The following TMPRSS6 variants were observed in gnomAD, a reference collection of about 807,000 sequenced individuals.
TMPRSS6 encodes transmembrane serine protease 6, also known as transmembrane protease serine 6.
TMPRSS6 carries 67 observed loss-of-function variants against 101.5 expected under a neutral mutation model. The ratio of observed to expected loss-of-function variants is 0.66; its 90% CI spans 0.54 to 0.81. TMPRSS6 has a LOEUF of 0.81. Among genes scored for constraint, TMPRSS6 ranks in the 30% least tolerant of loss-of-function variants. The pLI is 0.00. For missense variants in TMPRSS6, 1,034 were observed against 1,088.7 expected (o/e 0.95, Z 0.71); for synonymous variants, 453 against 464.9 (o/e 0.97, Z 0.33).
chr22:37,069,023 A>G lies in TMPRSS6; in HGVS notation c.2113+50T>C, dbSNP rs1288310848. 2 of 1,532,118 alleles carry G rather than the reference A, an allele frequency of 1.3e-6. No individual in the cohort carries two copies. Among genetic ancestry groups the G allele is most frequent in the Admixed American group, 2.0e-5 (1 of 50,846 alleles). The allele number at this position is 1,532,118 out of a possible 1,614,324, so 94.9% of individuals were successfully genotyped here. ...TTCTCCAGGCCAGGTGTTACGGCGCAGATCCGCACGGTCTCCCTCCGCCTC... is the reference window on the plus strand; with the variant it reads ...TTCTCCAGGCCAGGTGTTACGGCGCGGATCCGCACGGTCTCCCTCCGCCTC... On this transcript the variant is annotated intron_variant, in intron 16 of 17. Coordinates refer to ENST00000676104, the MANE Select transcript of TMPRSS6 (RefSeq NM_001374504.1). The surrounding 1 kb of genome is among the most constrained non-coding windows in gnomAD (Gnocchi z 4.8).
Position 37,066,159 on chromosome 22 carries a change from C to T in TMPRSS6, c.2330G>A (p.Gly777Asp). ...GCCGAAGTAGTTAGGCCGGCCACAG[C>T]CCAGGCCCCAGCTGACCAGCCCCGC... ...FLAGLVSWGLGCGRPNYFGVY... is the reference protein window; with the variant it reads ...FLAGLVSWGLDCGRPNYFGVY... Residue 777 changes from glycine to aspartate, a missense_variant, in exon 18 of 18, where the codon GGC becomes GAC. Gly to Asp is a moderately conservative substitution (Grantham distance 94). Coordinates refer to ENST00000676104, the MANE Select transcript of TMPRSS6 (RefSeq NM_001374504.1). 6.2e-7 allele frequency: 1 copy of T among 1,613,170 alleles called. No homozygotes were observed. The highest frequency in any genetic ancestry group is 8.5e-7 in the Non-Finnish European group (1 of 1,180,016).
At chr22:37,076,938 C>T (rs1176033964) in intron 10 of TMPRSS6, among the ~76,000 whole-genome samples, 1 of 152,334 alleles carries the variant, frequency 6.6e-6, no homozygotes, top group South Asian at 2.1e-4. Context: ...AATCCAACAC[C>T]CTGCGGAGCC....
chr22:37,110,137 CTTTT>C (rs55809648), upstream of TMPRSS6, among the ~76,000 whole-genome samples: 3 of 87,064 alleles, frequency 3.4e-5, no homozygotes, highest in Admixed American at 1.3e-4. Flanking sequence ...CTACCTCGTT[CTTTT>C]TTTTTTTTTT....
At chr22:37,071,452 C>A (rs921133787) in intron 13 of TMPRSS6, among the ~76,000 whole-genome samples, 1 of 152,224 alleles carries the variant, frequency 6.6e-6, no homozygotes, top group East Asian at 1.9e-4. Flanking sequence ...ACCACTTGGT[C>A]TTTGCCTCTC....
chr22:37,070,457 C>T (rs1479050174), intron 15 of TMPRSS6, 27 bp downstream of exon 15: 17 of 1,612,988 alleles, frequency 1.1e-5, no homozygotes, highest in Non-Finnish European at 1.4e-5. Flanking sequence ...TCTCTTACTG[C>T]CTAGGCCCCC....
At chr22:37,090,102 G>A (rs1363733675) in intron 6 of TMPRSS6, among the ~76,000 whole-genome samples, 1 of 152,270 alleles carries the variant, frequency 6.6e-6, no homozygotes, top group Non-Finnish European at 1.5e-5. Flanking sequence ...GAACAGGCAA[G>A]AATAGCTCAG....
chr22:37,079,479 G>A (rs976352580), intron 10 of TMPRSS6, among the ~76,000 whole-genome samples: 7 of 152,176 alleles, frequency 4.6e-5, no homozygotes, highest in Non-Finnish European at 1.5e-5. Flanking sequence ...GGAAAGAAGG[G>A]TGCGTGGGTG....
chr22:37,077,675 T>G (rs1281339959), intron 10 of TMPRSS6, among the ~76,000 whole-genome samples: 1 of 152,208 alleles, frequency 6.6e-6, no homozygotes, highest in Non-Finnish European at 1.5e-5. Context: ...ATGACAGCAC[T>G]CTTGTCACTA....
intron 2 of TMPRSS6, among the ~76,000 whole-genome samples, chr22:37,102,215 T>C (rs1418253483): frequency 6.6e-6 from 1 of 152,258 alleles, no homozygotes; most frequent in Non-Finnish European, 1.5e-5. Context: ...CACGCAGGCA[T>C]CTGGGTTGTC....
intron 1 of TMPRSS6, among the ~76,000 whole-genome samples, chr22:37,109,012 C>T (rs1022235495): frequency 6.6e-6 from 1 of 152,132 alleles, no homozygotes; most frequent in African/African-American, 2.4e-5. Context: ...CACGCCCTTC[C>T]TACACAGACA....
rs750512709 is a variant in TMPRSS6, at chr22:37,098,501, C to T, written c.251G>A (p.Arg84His). ...CTGGGAGAAGTGGCGATTGAGTACA[C>T]GCAGACTGCCTGAGTACACCTGGCT... ...MVSQVYSGSL[R>H]VLNRHFSQDL... The change falls in exon 3 of 18, where the codon CGT becomes CAT. Residue 84 changes from arginine (R) to histidine (H), a missense_variant. Physicochemically the swap from Arg to His is conservative, Grantham distance 29. Transcript: ENST00000676104. The T allele has an allele frequency of 6.2e-6, 10 of 1,614,008 alleles. No homozygotes were observed. The East Asian group carries it at 1.1e-4, about 18-fold the overall frequency.
chr22:37,089,542 CAG>C (rs761486931), intron 7 of TMPRSS6, 34 bp downstream of exon 7: 2 of 1,456,012 alleles, frequency 1.4e-6, no homozygotes, highest in Non-Finnish European at 1.9e-6. Context: ...CTCCCTTTTC[CAG>C]CCCTCCCTCC....
intron 10 of TMPRSS6, chr22:37,083,185 C>T (rs906985625): frequency 9.5e-5 from 40 of 422,208 alleles, no homozygotes; most frequent in Non-Finnish European, 1.5e-4. Flanking sequence ...GCCCAACCTG[C>T]GATGAAGGAT....
At chr22:37,090,920 C>A (rs1929204563) in intron 6 of TMPRSS6, among the ~76,000 whole-genome samples, 1 of 152,172 alleles carries the variant, frequency 6.6e-6, no homozygotes, top group Admixed American at 6.5e-5. Context: ...CTGCAGCTGG[C>A]CCCGCCTGAG....
In TMPRSS6 at chr22:37,074,167, G is replaced by A. The variant is rs570964041; in HGVS notation, c.1441+443C>T. 5.8e-4 allele frequency among the ~76,000 whole-genome samples: 89 copies of A among 152,218 alleles called. 1 individual carries two copies. The highest frequency in any genetic ancestry group is 1.1e-3 in the Non-Finnish European group (77 of 68,050). On this transcript the variant is annotated intron_variant, in intron 12 of 17. Transcript: ENST00000676104. ...TCACTTGGCTGAGCCAGAACTTGAAGCCAGATGTTCAGTTTCTGAATATGA... is the reference window on the plus strand; with the variant it reads ...TCACTTGGCTGAGCCAGAACTTGAAACCAGATGTTCAGTTTCTGAATATGA...
At position 37,075,763 on chromosome 22, in the gene TMPRSS6, A is replaced by G. The variant is rs143653776; in HGVS notation, c.1197-483T>C. 7.9e-3 allele frequency among the ~76,000 whole-genome samples: 1,206 copies of G among 152,244 alleles called. 13 individuals carry two copies. Among genetic ancestry groups the G allele is most frequent in the Admixed American group, 0.013 (205 of 15,286 alleles). ...ACTAAAAATACAAAATTAGCCAGGCATGGTGGCACATGCTTGTAATCCCAG... is the reference window on the plus strand; with the variant it reads ...ACTAAAAATACAAAATTAGCCAGGCGTGGTGGCACATGCTTGTAATCCCAG... On this transcript the variant is annotated intron_variant, in intron 10 of 17. Transcript: ENST00000676104.
chr22:37,072,623 G>C (rs1394801294), intron 13 of TMPRSS6, among the ~76,000 whole-genome samples: 1 of 128,812 alleles, frequency 7.8e-6, no homozygotes, highest in Middle Eastern at 4.7e-3. Context: ...GATGGACGAT[G>C]GATGGATGGA....
intron 15 of TMPRSS6, 103 bp downstream of exon 15, chr22:37,070,381 A>G: frequency 2.1e-6 from 3 of 1,428,422 alleles, no homozygotes; most frequent in Non-Finnish European, 3.0e-6. Context: ...GGGGTCCACC[A>G]CCCTTCCCTC....
intron 14 of TMPRSS6, 62 bp downstream of exon 14, chr22:37,070,854 T>C: frequency 6.6e-7 from 1 of 1,526,050 alleles, no homozygotes; most frequent in Non-Finnish European, 9.0e-7. Flanking sequence ...CCCTCCAGCT[T>C]CCTGCTGTGG....
Sources: allele counts gnomAD v4.1 joint callset (sites outside exome capture counted in the v4.1 genomes callset), GRCh38; gene constraint gnomAD v4.1.1; non-coding constraint Gnocchi (gnomAD v3.1); transcripts MANE v1.5; gene names NCBI Gene and HGNC (gene_info 2026-07-23, HGNC 2026-07-21).